Variants in MOXD1 observed in about 807,000 individuals in gnomAD.
MOXD1 encodes monooxygenase DBH like 1.
Under a neutral mutation model 66.6 loss-of-function variants are expected in MOXD1, and 62 were observed. The observed-to-expected ratio is 0.93, with a 90% CI of 0.76 to 1.15. MOXD1 has a LOEUF of 1.15. Ranked by LOEUF, MOXD1 falls within the 50% of genes most tolerant of loss-of-function variation. The pLI is 0.00. For synonymous variants in MOXD1, 303 were observed against 281.9 expected, an observed-to-expected ratio of 1.07 and a Z score of -0.75; for missense variants, 847 against 754.6, an observed-to-expected ratio of 1.12 and a Z score of -1.44.
At chr6:132,370,393 A>C (rs1316555707) in intron 4 of MOXD1, among the ~76,000 whole-genome samples, 2 of 152,092 alleles carry the variant, frequency 1.3e-5, no homozygotes, top group African/African-American at 4.8e-5. Context: ...CCTTAAAACC[A>C]CTTACATATT....
intron 4 of MOXD1, among the ~76,000 whole-genome samples, chr6:132,336,615 G>A (rs1775444491): frequency 6.6e-6 from 1 of 152,170 alleles, no homozygotes; most frequent in Non-Finnish European, 1.5e-5. Flanking sequence ...GAAGGTAAGG[G>A]TGCAATGCAA....
chr6:132,313,756 A>T (rs1774880563), intron 10 of MOXD1, among the ~76,000 whole-genome samples: 1 of 152,270 alleles, frequency 6.6e-6, no homozygotes, highest in African/African-American at 2.4e-5. Flanking sequence ...TCTACTAAAA[A>T]TACAAAATAT....
intron 1 of MOXD1, 149 bp downstream of exon 1, chr6:132,401,014 G>T: frequency 9.4e-7 from 1 of 1,063,024 alleles, no homozygotes; most frequent in Non-Finnish European, 1.3e-6. Flanking sequence ...CGCTGCCCGC[G>T]GAGGCGAGAG....
chr6:132,374,180 G>A (rs114225347), intron 2 of MOXD1, among the ~76,000 whole-genome samples: 1,889 of 152,182 alleles, frequency 0.012, 47 homozygotes, highest in African/African-American at 0.043. Flanking sequence ...TATACCAATA[G>A]GCAATTATAA....
chr6:132,385,275 C>G (rs1026704090), intron 1 of MOXD1, among the ~76,000 whole-genome samples: 2 of 151,942 alleles, frequency 1.3e-5, no homozygotes, highest in African/African-American at 2.4e-5. Flanking sequence ...GTTCTTAGGT[C>G]AAAGTAATGT....
chr6:132,304,243 C>A lies in MOXD1; in HGVS notation c.1509-6288G>T, dbSNP rs916239548. Among the ~76,000 whole-genome samples, 4 of 152,160 alleles carry A rather than the reference C, an allele frequency of 2.6e-5. No individual in the cohort carries two copies. In the South Asian group the frequency reaches 8.3e-4, roughly 32 times the overall value. On this transcript the variant is annotated intron_variant, in intron 10 of 11. Coordinates refer to ENST00000367963, the MANE Select transcript of MOXD1 (RefSeq NM_015529.4). ...GTACCTTCTACTTGTGAGAACACAG[C>A]AAGAAGGTGCCATCTTGGAAGTGGA...
At chr6:132,305,877 C>G (rs893076693) in intron 10 of MOXD1, among the ~76,000 whole-genome samples, 14 of 152,056 alleles carry the variant, frequency 9.2e-5, no homozygotes, top group African/African-American at 3.1e-4. Flanking sequence ...CCTTGAATAC[C>G]AAAACTGGAC....
At chr6:132,380,339 C>A (rs1776483358) in intron 1 of MOXD1, among the ~76,000 whole-genome samples, 1 of 152,190 alleles carries the variant, frequency 6.6e-6, no homozygotes, top group South Asian at 2.1e-4. Flanking sequence ...TATTATCAAT[C>A]TCACCACGGG....
intron 4 of MOXD1, among the ~76,000 whole-genome samples, chr6:132,352,000 G>T (rs1775810961): frequency 6.6e-6 from 1 of 152,018 alleles, no homozygotes; most frequent in Non-Finnish European, 1.5e-5. Flanking sequence ...TCTTAATGAG[G>T]TTATTTGGAT....
intron 9 of MOXD1, among the ~76,000 whole-genome samples, chr6:132,317,300 T>C (rs774227298): frequency 6.6e-6 from 1 of 152,134 alleles, no homozygotes; most frequent in Non-Finnish European, 1.5e-5. Flanking sequence ...AAACATGATG[T>C]TTTGCACTTG....
At chr6:132,348,639 G>A (rs570663039) in intron 4 of MOXD1, among the ~76,000 whole-genome samples, 53 of 152,212 alleles carry the variant, frequency 3.5e-4, no homozygotes, top group African/African-American at 1.1e-3. Flanking sequence ...TAAAAAACAC[G>A]GGTGATTTAT....
intron 1 of MOXD1, among the ~76,000 whole-genome samples, chr6:132,384,716 T>C (rs35671932): frequency 7.9e-5 from 12 of 151,974 alleles, no homozygotes; most frequent in South Asian, 2.1e-4. Flanking sequence ...GGACAGGAGG[T>C]TGGGTTATCC....
intron 10 of MOXD1, among the ~76,000 whole-genome samples, chr6:132,303,878 TAC>T (rs1324749920): frequency 0.012 from 548 of 45,298 alleles, 1 homozygote; most frequent in African/African-American, 0.029. Flanking sequence ...TATATATATA[TAC>T]ATATATACAT....
At chr6:132,325,845 G>A (rs1009537505) in intron 6 of MOXD1, among the ~76,000 whole-genome samples, 12 of 152,152 alleles carry the variant, frequency 7.9e-5, no homozygotes, top group Non-Finnish European at 1.8e-4. Context: ...ACGTACAGTG[G>A]TCACACATCT....
intron 4 of MOXD1, among the ~76,000 whole-genome samples, chr6:132,370,659 C>G (rs36085961): frequency 0.21 from 31,317 of 151,968 alleles, 3,374 homozygotes; most frequent in South Asian, 0.28. Flanking sequence ...ACCTACTGTC[C>G]TTCCCTCAAA....
chr6:132,307,057 T>A (rs1774708763), intron 10 of MOXD1, among the ~76,000 whole-genome samples: 1 of 152,114 alleles, frequency 6.6e-6, no homozygotes, highest in Non-Finnish European at 1.5e-5. Context: ...AAGGCCCCAA[T>A]TAAAAGACAC....
intron 4 of MOXD1, among the ~76,000 whole-genome samples, chr6:132,349,472 TATATATATAC>T (rs2114623081): frequency 2.5e-5 from 1 of 40,030 alleles, no homozygotes; most frequent in South Asian, 1.0e-3. Context: ...TATACATATA[TATATATATAC>T]ATATATATAT....
chr6:132,308,609 C>A (rs562163361), intron 10 of MOXD1, among the ~76,000 whole-genome samples: 1 of 152,046 alleles, frequency 6.6e-6, no homozygotes, highest in African/African-American at 2.4e-5. Context: ...AACATCGATG[C>A]GAAAATACAC....
intron 10 of MOXD1, among the ~76,000 whole-genome samples, chr6:132,312,095 T>G (rs1774842691): frequency 2.0e-5 from 3 of 151,904 alleles, no homozygotes; most frequent in Admixed American, 1.3e-4. Context: ...ATTATCTATT[T>G]TGTTGTTTGA....
Sources: gnomAD v4.1 joint callset for allele counts (sites outside exome capture counted in the v4.1 genomes callset) on GRCh38, gnomAD v4.1.1 for gene constraint, MANE v1.5 for transcripts, NCBI Gene and HGNC (gene_info 2026-07-23, HGNC 2026-07-21) for gene names.